The following NDUFAF7 variants were observed in gnomAD, a reference collection of about 807,000 sequenced individuals.
NDUFAF7 encodes NADH:ubiquinone oxidoreductase complex assembly factor 7, also known as protein arginine methyltransferase NDUFAF7, mitochondrial.
In NDUFAF7, 48 loss-of-function variants were observed where a neutral mutation model predicts 47.2. The observed-to-expected ratio is 1.02, with a 90% CI of 0.81 to 1.29. The LOEUF is 1.29. NDUFAF7 is among the 50% of genes most tolerant of loss of function. The probability of loss-of-function intolerance (pLI) is 0.00; values close to 1 mark genes in which losing one functional copy is unlikely to be tolerated. For missense variants in NDUFAF7, 635 were observed against 537.6 expected, an observed-to-expected ratio of 1.18 and a Z score of -1.79; for synonymous variants, 217 against 190.0, an observed-to-expected ratio of 1.14 and a Z score of -1.17.
chr2:37,265,006 A>G, the NDUFAF7 span, among the ~76,000 whole-genome samples: 47 of 152,330 alleles, frequency 3.1e-4, no homozygotes, highest in Non-Finnish European at 5.7e-4. Context: ...AGTCTTAATA[A>G]TAATATGCGC....
the NDUFAF7 span, among the ~76,000 whole-genome samples, chr2:37,266,201 A>G: frequency 9.2e-5 from 14 of 152,220 alleles, no homozygotes; most frequent in Non-Finnish European, 1.5e-5. Flanking sequence ...TACTATTAGC[A>G]ACAAGTAACA....
At chr2:37,250,606 A>G (rs1382868047), downstream of NDUFAF7, 3 of 152,178 alleles carry the variant, frequency 2.0e-5, no homozygotes, top group African/African-American at 7.2e-5. Flanking sequence ...TACTGTTTCC[A>G]AAATAGTTCT....
At chr2:37,242,494 G>GT in intron 5 of NDUFAF7, 141 bp from the exon 6 acceptor site, 1 of 673,184 alleles carries the variant, frequency 1.5e-6, no homozygotes, top group Non-Finnish European at 2.7e-6. Flanking sequence ...GTTCTGCAGT[G>GT]TAAGTTTTCC....
downstream of NDUFAF7, among the ~76,000 whole-genome samples, chr2:37,255,139 A>C (rs904186088): frequency 1.6e-4 from 25 of 152,210 alleles, no homozygotes; most frequent in Non-Finnish European, 3.5e-4. Flanking sequence ...ACACTGCCTC[A>C]GGAGGTCTGA....
downstream of NDUFAF7, chr2:37,253,421 G>GTTT: frequency 2.3e-6 from 3 of 1,308,938 alleles, no homozygotes; most frequent in Non-Finnish European, 3.1e-6. Context: ...TTTGTTTTGT[G>GTTT]TTTTTTTTTG....
the NDUFAF7 span, among the ~76,000 whole-genome samples, chr2:37,262,038 G>A: frequency 3.2e-4 from 48 of 152,280 alleles, no homozygotes; most frequent in Non-Finnish European, 2.1e-4. Context: ...TAGGCTACAC[G>A]GGGCTAAGTT....
chr2:37,270,428 T>C, the NDUFAF7 span, among the ~76,000 whole-genome samples: 3 of 151,864 alleles, frequency 2.0e-5, no homozygotes, highest in Non-Finnish European at 4.4e-5. Flanking sequence ...AAAGAATATG[T>C]ATGAGAGAAA....
chr2:37,241,572 A>G lies in NDUFAF7; in HGVS notation c.409-6A>G, dbSNP rs372753001. On this transcript the variant is annotated splice_polypyrimidine_tract_variant and splice_region_variant and intron_variant, in intron 4 of 9. Coordinates refer to ENST00000002125, the MANE Select transcript of NDUFAF7 (RefSeq NM_144736.5). Reference sequence around the variant, plus strand: ...TTGTATTTTTTTTTCTTCTTTTGGTATTTAGGTGTTCACTCAACTTGGATC... The same window carrying G: ...TTGTATTTTTTTTTCTTCTTTTGGTGTTTAGGTGTTCACTCAACTTGGATC... 4.9e-5 allele frequency: 79 copies of G among 1,610,014 alleles called. No homozygotes were observed. Among genetic ancestry groups the G allele is most frequent in the Non-Finnish European group, 6.5e-5 (76 of 1,177,336 alleles).
the NDUFAF7 span, among the ~76,000 whole-genome samples, chr2:37,266,894 A>G: frequency 6.6e-6 from 1 of 152,236 alleles, no homozygotes; most frequent in Non-Finnish European, 1.5e-5. Context: ...AAGTGATCCA[A>G]GGATCAAGCT....
the NDUFAF7 span, chr2:37,268,802 G>C: frequency 3.9e-5 from 6 of 154,426 alleles, no homozygotes; most frequent in Admixed American, 1.9e-4. Flanking sequence ...TCTGAGGCTA[G>C]AGAAGCAGGG....
chr2:37,253,201 T>C, downstream of NDUFAF7: 1 of 1,604,846 alleles, frequency 6.2e-7, no homozygotes, highest in Non-Finnish European at 8.5e-7. Context: ...CCATATCATC[T>C]GGATTAGGAG....
At chr2:37,254,357 T>C, downstream of NDUFAF7, 2 of 1,218,034 alleles carry the variant, frequency 1.6e-6, no homozygotes, top group Non-Finnish European at 2.4e-6. Context: ...TGTGACTGCC[T>C]AGAAGGCAGT....
At position 37,242,660 on chromosome 2, in the gene NDUFAF7, A is replaced by T; in HGVS notation, c.648A>T (p.Glu216Asp). 1 of 1,602,290 alleles carries T rather than the reference A, an allele frequency of 6.2e-7. No homozygotes were observed. The highest frequency in any genetic ancestry group is 8.5e-7 in the Non-Finnish European group (1 of 1,169,670). ...GGTACAGCTTTTATCTTGCACATGAATTTTTTGATGTTCTTCCTGTGCATA... is the reference window on the plus strand; with the variant it reads ...GGTACAGCTTTTATCTTGCACATGATTTTTTTGATGTTCTTCCTGTGCATA... ...PKGYSFYLAH[E>D]FFDVLPVHKF... Residue 216 changes from glutamate to aspartate, a missense_variant, in exon 6 of 10, where the codon GAA (glutamate) becomes GAT (aspartate). Coordinates refer to ENST00000002125, the MANE Select transcript of NDUFAF7 (RefSeq NM_144736.5).
the NDUFAF7 span, among the ~76,000 whole-genome samples, chr2:37,261,188 T>G: frequency 6.6e-6 from 1 of 152,216 alleles, no homozygotes; most frequent in Non-Finnish European, 1.5e-5. Context: ...TTTTTATTCC[T>G]TATTAATAAA....
chr2:37,241,508 G>T, intron 4 of NDUFAF7, 70 bp from the exon 5 acceptor site: 2 of 1,212,388 alleles, frequency 1.6e-6, no homozygotes, highest in East Asian at 2.5e-5. Flanking sequence ...CTAAATCATT[G>T]ATGTAAATGA....
downstream of NDUFAF7, among the ~76,000 whole-genome samples, chr2:37,255,825 G>C (rs1241267185): frequency 6.6e-6 from 1 of 152,152 alleles, no homozygotes; most frequent in Non-Finnish European, 1.5e-5. Context: ...GGGCAACATA[G>C]TGGGACCCCA....
At chr2:37,238,905 C>CAAAAAAAAA (rs35512230) in intron 4 of NDUFAF7, among the ~76,000 whole-genome samples, 1 of 93,050 alleles carries the variant, frequency 1.1e-5, no homozygotes, top group African/African-American at 4.7e-5. Context: ...GCTAAAAAAG[C>CAAAAAAAAA]AAAAAAAAAA....
chr2:37,246,043 C>G lies in NDUFAF7; in HGVS notation c.793-9C>G, dbSNP rs779417603. On this transcript the variant is annotated splice_polypyrimidine_tract_variant and intron_variant, in intron 7 of 9. Coordinates refer to ENST00000002125, the MANE Select transcript of NDUFAF7 (RefSeq NM_144736.5). ...TGCATTTTGACTCTTGCAATGATCC[C>G]TTTACTAGCATGACGAAACAAGGGA... 1 of 1,613,486 alleles carries G rather than the reference C, an allele frequency of 6.2e-7. No individual in the cohort carries two copies. Among genetic ancestry groups the G allele is most frequent in the Admixed American group, 1.7e-5 (1 of 59,946 alleles).
chr2:37,234,562 C>CGTAAATA (rs1665549263), intron 2 of NDUFAF7, among the ~76,000 whole-genome samples: 1 of 148,796 alleles, frequency 6.7e-6, no homozygotes, highest in African/African-American at 2.5e-5. Flanking sequence ...CACAAAAAAG[C>CGTAAATA]GTAAATACCC....
Sources: gnomAD v4.1 joint callset for allele counts (sites outside exome capture counted in the v4.1 genomes callset) on GRCh38, gnomAD v4.1.1 for gene constraint, MANE v1.5 for transcripts, NCBI Gene and HGNC (gene_info 2026-07-23, HGNC 2026-07-21) for gene names.